SLC35F1: variants seen among roughly 807,000 people sequenced by gnomAD.
SLC35F1 encodes chromosome 6 open reading frame 169.
In SLC35F1, 14 loss-of-function variants were observed where a neutral mutation model predicts 48.7. That is an observed-to-expected ratio of 0.29 (90% confidence interval 0.19 to 0.45). The LOEUF (loss-of-function observed/expected upper bound fraction) is 0.45. SLC35F1 is among the 20% of genes least tolerant of loss of function. SLC35F1 has a pLI of 1.00. For missense variants in SLC35F1, 404 were observed against 500.0 expected, an observed-to-expected ratio of 0.81 and a Z score of 1.83; for synonymous variants, 190 against 202.2, an observed-to-expected ratio of 0.94 and a Z score of 0.51.
intron 2 of SLC35F1, among the ~76,000 whole-genome samples, chr6:118,165,380 G>A (rs1774302320): frequency 6.6e-6 from 1 of 152,054 alleles, no homozygotes; most frequent in African/African-American, 2.4e-5. Context: ...CTACTCCCTT[G>A]ACTGAGACAG....
intron 1 of SLC35F1, among the ~76,000 whole-genome samples, chr6:117,913,461 T>G (rs1013952317): frequency 3.3e-5 from 5 of 152,228 alleles, no homozygotes; most frequent in Admixed American, 3.3e-4. Context: ...ATTCATAATC[T>G]GAATTGTTAC....
intron 2 of SLC35F1, among the ~76,000 whole-genome samples, chr6:118,215,832 T>G (rs1032663941): frequency 1.3e-5 from 2 of 152,146 alleles, no homozygotes; most frequent in Non-Finnish European, 2.9e-5. Context: ...AGCTACATTA[T>G]CTTAGCACTG....
chr6:118,313,557 T>C (rs1776395225), intron 7 of SLC35F1, among the ~76,000 whole-genome samples: 1 of 152,154 alleles, frequency 6.6e-6, no homozygotes, highest in Non-Finnish European at 1.5e-5. Context: ...AGTGTCTGAA[T>C]TGGATTAAGG....
chr6:117,946,570 C>A lies in SLC35F1; in HGVS notation c.173+38671C>A, dbSNP rs543313123. Reference sequence around the variant, plus strand: ...AAGTTTGAGAGACCATCTAATATATCTCTCTTTGAGATGACAACCTACATG... The same window carrying A: ...AAGTTTGAGAGACCATCTAATATATATCTCTTTGAGATGACAACCTACATG... On this transcript the variant is annotated intron_variant, in intron 1 of 7. Transcript: ENST00000360388. Among the ~76,000 whole-genome samples the A allele has an allele frequency of 7.2e-5, 11 of 152,296 alleles. No individual in the cohort carries two copies. In the South Asian group the frequency reaches 1.9e-3, roughly 26 times the overall value.
chr6:118,063,265 G>T (rs1186442955), intron 1 of SLC35F1, among the ~76,000 whole-genome samples: 2 of 152,038 alleles, frequency 1.3e-5, no homozygotes, highest in African/African-American at 4.8e-5. Context: ...TCATTATAGA[G>T]TTTTCTTAAA....
At chr6:118,256,599 A>G (rs956938216) in intron 3 of SLC35F1, among the ~76,000 whole-genome samples, 5 of 152,154 alleles carry the variant, frequency 3.3e-5, no homozygotes, top group African/African-American at 1.2e-4. Context: ...GAAGTTTTTT[A>G]AAAATAAACT....
chr6:118,132,476 G>A (rs541592421), intron 1 of SLC35F1, among the ~76,000 whole-genome samples: 1 of 152,260 alleles, frequency 6.6e-6, no homozygotes, highest in East Asian at 1.9e-4. Flanking sequence ...AAACCACTCT[G>A]TGCCTCAGTT....
At chr6:118,295,064 G>A (rs569246070) in intron 7 of SLC35F1, among the ~76,000 whole-genome samples, 1 of 152,160 alleles carries the variant, frequency 6.6e-6, no homozygotes, top group East Asian at 1.9e-4. Flanking sequence ...CATCCTATGA[G>A]GACAGGTGTA....
At chr6:118,177,312 A>T (rs1014328803) in intron 2 of SLC35F1, among the ~76,000 whole-genome samples, 2 of 152,092 alleles carry the variant, frequency 1.3e-5, no homozygotes, top group Non-Finnish European at 1.5e-5. Flanking sequence ...ACCAAACTTC[A>T]TCTTTTCTGA....
chr6:118,051,103 G>A (rs1292273610), intron 1 of SLC35F1, among the ~76,000 whole-genome samples: 1 of 152,058 alleles, frequency 6.6e-6, no homozygotes, highest in African/African-American at 2.4e-5. Flanking sequence ...AATAAGTGTA[G>A]GAAATGAAGA....
chr6:118,001,235 C>G (rs1464019782), intron 1 of SLC35F1, among the ~76,000 whole-genome samples: 3 of 152,186 alleles, frequency 2.0e-5, no homozygotes, highest in Non-Finnish European at 4.4e-5. Context: ...CAGCATGGTA[C>G]TTGTTTCAAA....
chr6:118,304,368 TAAA>T (rs746442246), intron 7 of SLC35F1, among the ~76,000 whole-genome samples: 2 of 117,402 alleles, frequency 1.7e-5, no homozygotes, highest in Admixed American at 8.9e-5. Flanking sequence ...CTTCATCTCT[TAAA>T]AAAAAAAAAA....
At chr6:118,094,908 C>T (rs577653432) in intron 1 of SLC35F1, among the ~76,000 whole-genome samples, 52 of 151,700 alleles carry the variant, frequency 3.4e-4, no homozygotes, top group African/African-American at 1.3e-3. Flanking sequence ...GTGGAGGTTG[C>T]AGTCAGCCGA....
At chr6:118,219,081 T>C (rs1010496079) in intron 2 of SLC35F1, among the ~76,000 whole-genome samples, 2 of 152,218 alleles carry the variant, frequency 1.3e-5, no homozygotes, top group Non-Finnish European at 1.5e-5. Context: ...GGTTTTGTCA[T>C]TGGCAGTGCA....
rs1042909924 is a variant in SLC35F1, at chr6:118,124,278, G to A, written c.174-30167G>A. 3.3e-5 allele frequency among the ~76,000 whole-genome samples: 5 copies of A among 152,170 alleles called. No homozygotes were observed. In the South Asian group the frequency reaches 8.3e-4, roughly 25 times the overall value. ...TGGACTATATGTCCCTTTAGGTCAT[G>A]CAAACTCTCAGAATCTCATGATCTT... On this transcript the variant is annotated intron_variant, in intron 1 of 7. Transcript: ENST00000360388.
rs59548308 is a variant in SLC35F1 at position 118,085,487 on chromosome 6, C to CTTTTTTTTTTTTTTTT, written c.174-68945_174-68930dup. Reference sequence around the variant, plus strand: ...TTTTCTCTTTTTTTTTCTTTCTTTCCTTTTTTTTTTTTTTTTTTTTTTTTT... The same window carrying CTTTTTTTTTTTTTTTT: ...TTTTCTCTTTTTTTTTCTTTCTTTCCTTTTTTTTTTTTTTTTTTTTTTTTTTTTTTTTTTTTTTTTT... On this transcript the variant is annotated intron_variant, in intron 1 of 7. Transcript: ENST00000360388. Among the ~76,000 whole-genome samples, 7 of 56,938 alleles carry CTTTTTTTTTTTTTTTT rather than the reference C, an allele frequency of 1.2e-4. 2 individuals carry two copies. Among genetic ancestry groups the CTTTTTTTTTTTTTTTT allele is most frequent in the Admixed American group, 6.4e-4 (2 of 3,122 alleles). 37.4% of individuals were successfully genotyped at this position (56,938 alleles called of 152,430 possible).
intron 1 of SLC35F1, among the ~76,000 whole-genome samples, chr6:118,108,921 T>G (rs1206730541): frequency 3.9e-5 from 6 of 152,200 alleles, no homozygotes; most frequent in Admixed American, 3.9e-4. Flanking sequence ...TTGTTTTGAA[T>G]TATTCTAAAG....
rs555707855 is a variant in SLC35F1, at chr6:118,063,774, AT to A, written c.174-90669del. Reference sequence around the variant, plus strand: ...AATATTGTTGATTTTACTCAGAAGAATTAGCCCGATTATGTTTTTAACAAAT... The same window carrying A: ...AATATTGTTGATTTTACTCAGAAGAATAGCCCGATTATGTTTTTAACAAAT... On this transcript the variant is annotated intron_variant, in intron 1 of 7. Coordinates refer to ENST00000360388, the MANE Select transcript of SLC35F1 (RefSeq NM_001029858.4). 1.6e-3 allele frequency among the ~76,000 whole-genome samples: 245 copies of A among 152,288 alleles called. 2 individuals are homozygous for A. The highest frequency in any genetic ancestry group is 5.6e-3 in the African/African-American group (233 of 41,562).
intron 1 of SLC35F1, among the ~76,000 whole-genome samples, chr6:118,086,607 G>A (rs1772994568): frequency 2.0e-5 from 3 of 152,208 alleles, no homozygotes. Flanking sequence ...ACATTAGAAT[G>A]TCTTTGCAGC....
Sources: gnomAD v4.1 joint callset for allele counts (sites outside exome capture counted in the v4.1 genomes callset) on GRCh38, gnomAD v4.1.1 for gene constraint, MANE v1.5 for transcripts, NCBI Gene and HGNC (gene_info 2026-07-23, HGNC 2026-07-21) for gene names.